The following CDKL4 variants were observed in gnomAD, a reference collection of about 807,000 sequenced individuals.
CDKL4 encodes the protein cyclin dependent kinase like 4.
Under a neutral mutation model 42.0 loss-of-function variants are expected in CDKL4, and 44 were observed. The ratio of observed to expected loss-of-function variants is 1.05; its 90% CI spans 0.82 to 1.35. CDKL4 has a LOEUF of 1.35. CDKL4 is among the 40% of genes most tolerant of loss of function. The pLI is 0.00. For synonymous variants in CDKL4, 120 were observed against 121.6 expected (o/e 0.99, Z 0.09); for missense variants, 393 against 369.9 (o/e 1.06, Z -0.51).
chr2:39,227,454 G>GA (rs1413610714), intron 2 of CDKL4, among the ~76,000 whole-genome samples: 1 of 152,110 alleles, frequency 6.6e-6, no homozygotes, highest in Non-Finnish European at 1.5e-5. Context: ...CACAGCTGGG[G>GA]AAAAGAGAAT....
intron 1 of CDKL4, among the ~76,000 whole-genome samples, chr2:39,230,864 A>G (rs908036832): frequency 6.6e-6 from 1 of 152,206 alleles, no homozygotes; most frequent in Non-Finnish European, 1.5e-5. Flanking sequence ...GAGATTTCAA[A>G]GAACACAATT....
rs756330475 is a variant in CDKL4 at position 39,179,322 on chromosome 2, C to A, written c.793-1G>T. 13 of 1,587,160 alleles carry A rather than the reference C, an allele frequency of 8.2e-6. No homozygotes were observed. The highest frequency in any genetic ancestry group is 1.1e-5 in the Non-Finnish European group (13 of 1,172,248). Reference sequence around the variant, plus strand: ...CATCTGGATTCATCTTCAGACACCCCTTTGGAGGAAGAGAATAGCAAAGAA... The same window carrying A: ...CATCTGGATTCATCTTCAGACACCCATTTGGAGGAAGAGAATAGCAAAGAA... On this transcript the variant is annotated splice_acceptor_variant, in intron 8 of 9. Coordinates refer to ENST00000451199, the Ensembl canonical transcript of CDKL4. LOFTEE classifies it high-confidence loss of function.
intron 1 of CDKL4, among the ~76,000 whole-genome samples, chr2:39,231,206 C>T (rs931589597): frequency 2.1e-5 from 3 of 141,450 alleles, no homozygotes; most frequent in Non-Finnish European, 4.7e-5. Context: ...AGCAAGGCTC[C>T]ATCTCAAAAA....
At chr2:39,206,128 A>G (rs1267947016) in intron 4 of CDKL4, among the ~76,000 whole-genome samples, 1 of 151,372 alleles carries the variant, frequency 6.6e-6, no homozygotes, top group Non-Finnish European at 1.5e-5. Flanking sequence ...ATCTCGGCTC[A>G]CTGCAACCTC....
At chr2:39,213,523 G>C (rs1207638491) in intron 3 of CDKL4, 51 bp from the exon 4 acceptor site, 2 of 1,266,766 alleles carry the variant, frequency 1.6e-6, no homozygotes, top group Admixed American at 1.7e-5. Flanking sequence ...TAGAGTTCCA[G>C]AAGCAAGGGC....
At chr2:39,210,533 T>C (rs1288512901) in intron 4 of CDKL4, among the ~76,000 whole-genome samples, 1 of 152,176 alleles carries the variant, frequency 6.6e-6, no homozygotes, top group Non-Finnish European at 1.5e-5. Context: ...TAAATATTTA[T>C]TGATCACCCT....
intron 2 of CDKL4, 50 bp downstream of exon 2, chr2:39,229,315 A>G (rs1443399347): frequency 7.7e-6 from 10 of 1,304,714 alleles, no homozygotes; most frequent in Non-Finnish European, 1.1e-5. Flanking sequence ...TTTAACATGC[A>G]TATTTCACTC....
rs1451626620 is a variant in CDKL4 at position 39,179,125 on chromosome 2, C to T, written c.927+62G>A. ...GTCCACCTTGTCTCACTTTGAAAGGCAGACAAACAAAAACAAAAAAGGAAT... is the reference window on the plus strand; with the variant it reads ...GTCCACCTTGTCTCACTTTGAAAGGTAGACAAACAAAAACAAAAAAGGAAT... On this transcript the variant is annotated intron_variant, in intron 9 of 9. Transcript: ENST00000451199. 6 of 1,561,752 alleles carry T rather than the reference C, an allele frequency of 3.8e-6. No individual in the cohort carries two copies. In the African/African-American group the frequency reaches 8.2e-5, roughly 21 times the overall value.
exon 1 of CDKL4, among the ~76,000 whole-genome samples, chr2:39,243,948 G>C (rs545146833): frequency 8.5e-5 from 13 of 152,322 alleles, no homozygotes; most frequent in African/African-American, 2.9e-4. Context: ...CGTGTCGCTC[G>C]GAGGAGGCGC....
At chr2:39,204,070 A>C (rs1677014721) in intron 5 of CDKL4, among the ~76,000 whole-genome samples, 2 of 152,132 alleles carry the variant, frequency 1.3e-5, no homozygotes, top group South Asian at 4.1e-4. Flanking sequence ...CCGTTTTCTT[A>C]GCACTCTCTC....
intron 5 of CDKL4, among the ~76,000 whole-genome samples, chr2:39,195,580 T>G (rs1676458846): frequency 6.6e-6 from 1 of 152,174 alleles, no homozygotes; most frequent in South Asian, 2.1e-4. Context: ...GCATCTTTCA[T>G]GTGCTTATTG....
intron 5 of CDKL4, among the ~76,000 whole-genome samples, chr2:39,195,642 T>TTAA (rs1676468080): frequency 8.1e-6 from 1 of 123,580 alleles, no homozygotes; most frequent in African/African-American, 3.3e-5. Context: ...TTTTAATTAA[T>TTAA]TTTTTTTTTT....
At chr2:39,218,441 G>A (rs903963655) in intron 3 of CDKL4, among the ~76,000 whole-genome samples, 3 of 152,172 alleles carry the variant, frequency 2.0e-5, no homozygotes, top group Non-Finnish European at 4.4e-5. Context: ...TGAGGCTGCA[G>A]TGAGCCATGT....
At chr2:39,225,368 G>A (rs1287350003) in intron 3 of CDKL4, among the ~76,000 whole-genome samples, 2 of 151,088 alleles carry the variant, frequency 1.3e-5, no homozygotes, top group African/African-American at 4.9e-5. Flanking sequence ...TCGCGCCACT[G>A]CACTCCAGTC....
chr2:39,202,438 T>C (rs934633671), intron 5 of CDKL4, among the ~76,000 whole-genome samples: 2 of 152,244 alleles, frequency 1.3e-5, no homozygotes, highest in Non-Finnish European at 2.9e-5. Context: ...ATTAATTCTT[T>C]ATTAGGTATA....
intron 4 of CDKL4, among the ~76,000 whole-genome samples, chr2:39,209,431 T>C (rs1051049366): frequency 6.6e-6 from 1 of 152,212 alleles, no homozygotes; most frequent in African/African-American, 2.4e-5. Context: ...TGGACCACTT[T>C]GGTTACCTCA....
chr2:39,245,785 T>C (rs561085545), upstream of CDKL4, among the ~76,000 whole-genome samples: 6 of 152,332 alleles, frequency 3.9e-5, no homozygotes, highest in African/African-American at 1.4e-4. Flanking sequence ...CTTTTCGGTC[T>C]TGTTTAATTA....
chr2:39,229,278 GA>G, intron 2 of CDKL4, 86 bp downstream of exon 2: 1 of 990,306 alleles, frequency 1.0e-6, no homozygotes. Context: ...CCAATGGGGG[GA>G]AAATAACTTT....
At chr2:39,197,569 A>G (rs1357068624) in intron 5 of CDKL4, among the ~76,000 whole-genome samples, 1 of 152,160 alleles carries the variant, frequency 6.6e-6, no homozygotes, top group Non-Finnish European at 1.5e-5. Context: ...CAAAGGAAAG[A>G]ATATTAAGGA....
Sources: allele counts gnomAD v4.1 joint callset (sites outside exome capture counted in the v4.1 genomes callset), GRCh38; gene constraint gnomAD v4.1.1; transcripts MANE v1.5; gene names NCBI Gene and HGNC (gene_info 2026-07-23, HGNC 2026-07-21).